INPP4B: variants seen among roughly 807,000 people sequenced by gnomAD.
INPP4B encodes inositol polyphosphate-4-phosphatase type II B.
Under a neutral mutation model 122.5 loss-of-function variants are expected in INPP4B, and 55 were observed. That is an observed-to-expected ratio of 0.45 (90% CI 0.36 to 0.56). INPP4B has a LOEUF of 0.56. Ranked by LOEUF, INPP4B falls within the 20% of genes least tolerant of loss-of-function variation. The probability of loss-of-function intolerance (pLI) is 0.00; values close to 1 mark genes in which losing one functional copy is unlikely to be tolerated. For missense variants in INPP4B, 1,000 were observed against 1,097.7 expected (o/e 0.91, Z 1.26); for synonymous variants, 403 against 388.7 (o/e 1.04, Z -0.43).
intron 9 of INPP4B, among the ~76,000 whole-genome samples, chr4:142,271,370 T>C (rs929157442): frequency 1.1e-4 from 16 of 152,198 alleles, no homozygotes; most frequent in Admixed American, 3.9e-4. Flanking sequence ...CATTGTGTCA[T>C]AGATCAATAC....
At chr4:142,282,445 C>T (rs1448944649) in intron 9 of INPP4B, among the ~76,000 whole-genome samples, 1 of 152,062 alleles carries the variant, frequency 6.6e-6, no homozygotes, top group African/African-American at 2.4e-5. Flanking sequence ...TCTGACTGGA[C>T]TTATTATCTC....
At chr4:142,393,756 G>C (rs946614379) in intron 7 of INPP4B, among the ~76,000 whole-genome samples, 1 of 152,176 alleles carries the variant, frequency 6.6e-6, no homozygotes, top group Non-Finnish European at 1.5e-5. Context: ...ACTGCTGAGT[G>C]TTCAAACTGT....
At chr4:142,613,357 G>C (rs1219058931) in intron 2 of INPP4B, among the ~76,000 whole-genome samples, 1 of 152,176 alleles carries the variant, frequency 6.6e-6, no homozygotes, top group African/African-American at 2.4e-5. Flanking sequence ...GATAACAAAT[G>C]CATGCTCTTT....
chr4:142,522,126 T>C (rs1393084389), intron 2 of INPP4B, among the ~76,000 whole-genome samples: 2 of 152,166 alleles, frequency 1.3e-5, no homozygotes, highest in Non-Finnish European at 2.9e-5. Flanking sequence ...TTTTTTTCTT[T>C]ATGATTTACC....
chr4:142,499,291 G>GA (rs758419684), intron 2 of INPP4B, among the ~76,000 whole-genome samples: 7 of 151,556 alleles, frequency 4.6e-5, no homozygotes, highest in South Asian at 2.1e-4. Context: ...AGCACTCAGA[G>GA]AAAAAAAATA....
chr4:142,644,905 CAAAAAAA>C (rs72460445), intron 2 of INPP4B, among the ~76,000 whole-genome samples: 4 of 66,154 alleles, frequency 6.0e-5, no homozygotes, highest in Non-Finnish European at 8.3e-5. Context: ...GACTCCATCT[CAAAAAAA>C]AAAAAAAAAA....
intron 2 of INPP4B, among the ~76,000 whole-genome samples, chr4:142,645,405 T>C (rs930017653): frequency 4.6e-5 from 7 of 152,166 alleles, no homozygotes; most frequent in Non-Finnish European, 8.8e-5. Flanking sequence ...CCATTCTTCC[T>C]TTTTCTTTTA....
intron 11 of INPP4B, among the ~76,000 whole-genome samples, chr4:142,239,879 CT>C (rs897009144): frequency 6.0e-5 from 9 of 150,722 alleles, no homozygotes; most frequent in African/African-American, 1.9e-4. Flanking sequence ...TTTTCAACCT[CT>C]TTTTTTTTCA....
chr4:142,734,808 G>T (rs1165661967), intron 1 of INPP4B, among the ~76,000 whole-genome samples: 1 of 152,122 alleles, frequency 6.6e-6, no homozygotes, highest in East Asian at 1.9e-4. Flanking sequence ...AGCACGCCCA[G>T]CTAATTTTGT....
chr4:142,483,695 T>C (rs939874927), intron 2 of INPP4B, among the ~76,000 whole-genome samples: 4 of 152,112 alleles, frequency 2.6e-5, no homozygotes, highest in Admixed American at 1.3e-4. Context: ...ATAGATTTAT[T>C]GAATTCAAAA....
chr4:142,531,099 T>C (rs1174392434), intron 2 of INPP4B, among the ~76,000 whole-genome samples: 6 of 151,824 alleles, frequency 4.0e-5, no homozygotes, highest in Non-Finnish European at 7.4e-5. Flanking sequence ...GGAGCAGATG[T>C]TGGTTTGGAC....
At chr4:142,111,936 G>T (rs1561155338) in intron 22 of INPP4B, among the ~76,000 whole-genome samples, 1 of 151,034 alleles carries the variant, frequency 6.6e-6, no homozygotes, top group Non-Finnish European at 1.5e-5. Context: ...TAGAGACGAG[G>T]TTTCACCATC....
intron 11 of INPP4B, among the ~76,000 whole-genome samples, chr4:142,247,727 T>G (rs929559034): frequency 2.6e-5 from 4 of 152,130 alleles, no homozygotes; most frequent in African/African-American, 9.7e-5. Flanking sequence ...TTTGTTAATC[T>G]TTTCAAAAAA....
At chr4:142,609,868 A>G (rs1347126852) in intron 2 of INPP4B, among the ~76,000 whole-genome samples, 2 of 152,206 alleles carry the variant, frequency 1.3e-5, no homozygotes, top group African/African-American at 4.8e-5. Context: ...ACAGAATGTA[A>G]TTATAATTTC....
intron 15 of INPP4B, among the ~76,000 whole-genome samples, chr4:142,182,547 AAAAAAAAAAAAACAAAC>A (rs1831340259): frequency 1.6e-4 from 1 of 6,336 alleles, no homozygotes; most frequent in South Asian, 9.4e-3. Flanking sequence ...ACTCTGTCTC[AAAAAAAAAAAAACAAAC>A]AAAAAAAAGA....
intron 10 of INPP4B, among the ~76,000 whole-genome samples, chr4:142,269,113 T>G (rs1744474242): frequency 6.6e-6 from 1 of 152,230 alleles, no homozygotes; most frequent in Admixed American, 6.5e-5. Flanking sequence ...ATCATCCCTC[T>G]GCCCACCCTG....
At chr4:142,123,799 G>A (rs897574212) in intron 19 of INPP4B, among the ~76,000 whole-genome samples, 6 of 152,176 alleles carry the variant, frequency 3.9e-5, no homozygotes, top group Admixed American at 3.3e-4. Flanking sequence ...ACACAATGAC[G>A]AAACATGTAT....
At chr4:142,146,201 A>G (rs1197892295) in intron 17 of INPP4B, among the ~76,000 whole-genome samples, 16 of 152,156 alleles carry the variant, frequency 1.1e-4, no homozygotes, top group Non-Finnish European at 2.4e-4. Context: ...AGTATTATAA[A>G]CCTTTTTATT....
chr4:142,543,106 T>A (rs150290247), intron 2 of INPP4B, among the ~76,000 whole-genome samples: 1 of 152,312 alleles, frequency 6.6e-6, no homozygotes, highest in East Asian at 1.9e-4. Context: ...TATTGATGTA[T>A]GTGCACAATT....
Sources: allele counts gnomAD v4.1 joint callset (sites outside exome capture counted in the v4.1 genomes callset), GRCh38; gene constraint gnomAD v4.1.1; transcripts MANE v1.5; gene names NCBI Gene and HGNC (gene_info 2026-07-23, HGNC 2026-07-21).